Variants in LYZL2 observed in about 807,000 individuals in gnomAD.
The protein encoded by LYZL2 is lysozyme-like protein 2.
LYZL2 carries 13 observed loss-of-function variants against 17.1 expected under a neutral mutation model. The observed-to-expected ratio is 0.76, with a 90% CI of 0.49 to 1.21. The LOEUF (loss-of-function observed/expected upper bound fraction) is 1.21. Ranked by LOEUF, LYZL2 falls within the 50% of genes most tolerant of loss-of-function variation. The pLI is 0.00. For synonymous variants in LYZL2, 63 were observed against 74.4 expected (o/e 0.85, Z 0.79); for missense variants, 166 against 189.2 (o/e 0.88, Z 0.72).
At chr10:30,612,170 A>C (rs1473147721) in intron 4 of LYZL2, 146 bp from the exon 5 acceptor site, 1 of 991,136 alleles carries the variant, frequency 1.0e-6, no homozygotes, top group African/African-American at 1.6e-5. Context: ...GGACGCTGTC[A>C]TTTTGCCTAG....
In LYZL2 at chr10:30,629,750, T is replaced by G. The variant is rs751262712; in HGVS notation, c.-183A>C. 2 of 1,566,914 alleles carry G rather than the reference T, an allele frequency of 1.3e-6. No individual in the cohort carries two copies. The highest frequency in any genetic ancestry group is 1.9e-5 in the Admixed American group (1 of 53,934). The stretch of plus-strand genomic sequence containing the variant: ...TTCTAACAAGGCTCGAGTAATCCTT[T>G]CCTAGCTCAAGAACCTTTCTTTAGA... On this transcript the variant is annotated 5_prime_UTR_variant, in exon 1 of 5. Transcript: ENST00000647634.
At chr10:30,624,610 T>C (rs780213997) in intron 3 of LYZL2, among the ~76,000 whole-genome samples, 3 of 152,234 alleles carry the variant, frequency 2.0e-5, no homozygotes. Context: ...TTCTTTATGA[T>C]ACAGGAGGTA....
chr10:30,606,250 T>C, the LYZL2 span, among the ~76,000 whole-genome samples: 4 of 151,940 alleles, frequency 2.6e-5, no homozygotes, highest in Non-Finnish European at 5.9e-5. Flanking sequence ...TTATTTCACA[T>C]AAAATGTAGT....
At chr10:30,614,050 T>C (rs1239534440) in intron 3 of LYZL2, among the ~76,000 whole-genome samples, 6 of 152,212 alleles carry the variant, frequency 3.9e-5, no homozygotes, top group Admixed American at 3.9e-4. Flanking sequence ...AACAAATCTT[T>C]GAATTGAAAT....
rs1165550893 is a variant in LYZL2, at chr10:30,617,674, C to CAAAAAAAAAAAAAAA, written c.299-4789_299-4775dup. Reference sequence around the variant, plus strand: ...TGGGTGACAGAGTGAGACTCTGTCTCAAAAAAAAAAAAAAAAAAAAAAAAG... The same window carrying CAAAAAAAAAAAAAAA: ...TGGGTGACAGAGTGAGACTCTGTCTCAAAAAAAAAAAAAAAAAAAAAAAAAAAAAAAAAAAAAAAG... On this transcript the variant is annotated intron_variant, in intron 3 of 4. Transcript: ENST00000647634. 1.8e-4 allele frequency among the ~76,000 whole-genome samples: 9 copies of CAAAAAAAAAAAAAAA among 50,210 alleles called. 1 individual carries two copies. Among genetic ancestry groups the CAAAAAAAAAAAAAAA allele is most frequent in the African/African-American group, 2.0e-4 (3 of 14,780 alleles). 32.9% of individuals were successfully genotyped at this position (50,210 alleles called of 152,430 possible).
rs559029562 is a variant in LYZL2, at chr10:30,628,338, C to G, written c.-26+1255G>C. Reference sequence around the variant, plus strand: ...TAAGCTTCACAACCAGTGCTCCGGGCGGCCTCCTAAAAGTCTGGCACCTGA... The same window carrying G: ...TAAGCTTCACAACCAGTGCTCCGGGGGGCCTCCTAAAAGTCTGGCACCTGA... On this transcript the variant is annotated intron_variant, in intron 1 of 4. Coordinates refer to ENST00000647634, the MANE Select transcript of LYZL2 (RefSeq NM_183058.3). Among the ~76,000 whole-genome samples the G allele has an allele frequency of 1.2e-3, 186 of 152,226 alleles. 1 individual carries two copies. Among genetic ancestry groups the G allele is most frequent in the South Asian group, 3.3e-3 (16 of 4,818 alleles).
At position 30,612,910 on chromosome 10, in the gene LYZL2, G is replaced by C; in HGVS notation, c.299-10C>G. 6.2e-7 allele frequency: 1 copy of C among 1,612,590 alleles called. No homozygotes were observed. On this transcript the variant is annotated splice_polypyrimidine_tract_variant and intron_variant, in intron 3 of 4. Coordinates refer to ENST00000647634, the MANE Select transcript of LYZL2 (RefSeq NM_183058.3). ...TCATCAGTGACCAAGGCTGTAAAAA[G>C]AGAGGTCATCAGGGTTAGGCGAGAC...
Position 30,629,643 on chromosome 10 carries a change from G to A in LYZL2, c.-76C>T, listed in dbSNP as rs746767400. 5.6e-6 allele frequency: 9 copies of A among 1,614,238 alleles called. No individual in the cohort carries two copies. The highest frequency in any genetic ancestry group is 7.6e-6 in the Non-Finnish European group (9 of 1,180,030). ...CCGCAGAGGCTGACTTCTCAGTTGAGTCTGCGGAAGAAACACTGCTCCACT... is the reference window on the plus strand; with the variant it reads ...CCGCAGAGGCTGACTTCTCAGTTGAATCTGCGGAAGAAACACTGCTCCACT... On this transcript the variant is annotated 5_prime_UTR_variant, in exon 1 of 5. Transcript: ENST00000647634.
downstream of LYZL2, among the ~76,000 whole-genome samples, chr10:30,608,807 C>T (rs1025862790): frequency 1.3e-5 from 2 of 152,118 alleles, no homozygotes; most frequent in South Asian, 2.1e-4. Context: ...CCACATGTGT[C>T]CAGTGGCACA....
rs530025037 is a variant in LYZL2, at chr10:30,617,570, G to A, written c.299-4670C>T. ...CACGCCTGTAATCCCAGCTACTCCA[G>A]AGGCTGAGGCAGGAGAATTGCTTGA... On this transcript the variant is annotated intron_variant, in intron 3 of 4. Coordinates refer to ENST00000647634, the MANE Select transcript of LYZL2 (RefSeq NM_183058.3). 2.0e-5 allele frequency among the ~76,000 whole-genome samples: 3 copies of A among 150,484 alleles called. No homozygotes were observed. The East Asian group carries it at 6.0e-4, about 30-fold the overall frequency.
At chr10:30,623,532 C>A (rs1838656718) in intron 3 of LYZL2, among the ~76,000 whole-genome samples, 1 of 152,146 alleles carries the variant, frequency 6.6e-6, no homozygotes, top group South Asian at 2.1e-4. Flanking sequence ...CTGGACTCCA[C>A]CTCCTGTCAG....
At chr10:30,612,691 T>C (rs1838462760) in intron 4 of LYZL2, 131 bp downstream of exon 4, 4 of 665,114 alleles carry the variant, frequency 6.0e-6, no homozygotes, top group South Asian at 5.5e-5. Flanking sequence ...GAGGAGAATA[T>C]AGACAAGGTC....
intron 3 of LYZL2, among the ~76,000 whole-genome samples, chr10:30,618,436 C>T (rs1838568900): frequency 6.6e-6 from 1 of 152,300 alleles, no homozygotes; most frequent in East Asian, 1.9e-4. Flanking sequence ...TACTACAAGG[C>T]TACAGTAACC....
At chr10:30,608,529 T>C (rs1437405603), downstream of LYZL2, among the ~76,000 whole-genome samples, 1 of 152,184 alleles carries the variant, frequency 6.6e-6, no homozygotes, top group Non-Finnish European at 1.5e-5. Context: ...AGGTACTTCC[T>C]GTTCGTAAAG....
chr10:30,618,640 T>G (rs547535403), intron 3 of LYZL2, among the ~76,000 whole-genome samples: 1 of 152,334 alleles, frequency 6.6e-6, no homozygotes, highest in East Asian at 1.9e-4. Flanking sequence ...AAGCTGAAAC[T>G]GGATCCCTTC....
In LYZL2 at chr10:30,629,741, G is replaced by A; in HGVS notation, c.-174C>T. ...CATGTCTGATTCTAACAAGGCTCGA[G>A]TAATCCTTTCCTAGCTCAAGAACCT... On this transcript the variant is annotated 5_prime_UTR_variant, in exon 1 of 5. Coordinates refer to ENST00000647634, the MANE Select transcript of LYZL2 (RefSeq NM_183058.3). 5 of 1,578,530 alleles carry A rather than the reference G, an allele frequency of 3.2e-6. No individual in the cohort carries two copies. The highest frequency in any genetic ancestry group is 4.3e-6 in the Non-Finnish European group (5 of 1,158,070).
intron 3 of LYZL2, among the ~76,000 whole-genome samples, chr10:30,619,391 A>G (rs1838584313): frequency 6.6e-6 from 1 of 152,324 alleles, no homozygotes; most frequent in East Asian, 1.9e-4. Context: ...TGTTTATTGC[A>G]GCACTATTCA....
chr10:30,614,725 A>C (rs1366794615), intron 3 of LYZL2, among the ~76,000 whole-genome samples: 2 of 152,162 alleles, frequency 1.3e-5, no homozygotes, highest in African/African-American at 2.4e-5. Flanking sequence ...TGCTGGTGGG[A>C]GTATAATGGA....
chr10:30,622,527 C>T (rs879514107), intron 3 of LYZL2, among the ~76,000 whole-genome samples: 3 of 150,880 alleles, frequency 2.0e-5, no homozygotes, highest in Non-Finnish European at 4.4e-5. Flanking sequence ...CCAGCCTGGG[C>T]GACAGAGCAA....
Sources: allele counts gnomAD v4.1 joint callset (sites outside exome capture counted in the v4.1 genomes callset), GRCh38; gene constraint gnomAD v4.1.1; transcripts MANE v1.5; gene names NCBI Gene and HGNC (gene_info 2026-07-23, HGNC 2026-07-21).